The following SIPA1L1 variants were observed in gnomAD, a reference collection of about 807,000 sequenced individuals.
SIPA1L1 encodes signal induced proliferation associated 1 like 1.
In SIPA1L1, 26 loss-of-function variants were observed where a neutral mutation model predicts 162.7. The observed-to-expected ratio is 0.16, with a 90% CI of 0.12 to 0.22. The LOEUF is 0.22. Among genes scored for constraint, SIPA1L1 ranks in the 10% least tolerant of loss-of-function variants. The pLI, the probability that SIPA1L1 is intolerant of heterozygous loss-of-function variation, is 1.00. For missense variants in SIPA1L1, 1,874 were observed against 2,241.0 expected (o/e 0.84, Z 3.31); for synonymous variants, 829 against 837.4 (o/e 0.99, Z 0.17).
At chr14:71,538,162 C>A (rs1386911186) in intron 4 of SIPA1L1, among the ~76,000 whole-genome samples, 1 of 152,146 alleles carries the variant, frequency 6.6e-6, no homozygotes, top group South Asian at 2.1e-4. Flanking sequence ...AATCTTCTTC[C>A]CTACTGTTAT....
intron 2 of SIPA1L1, among the ~76,000 whole-genome samples, chr14:71,409,131 C>T (rs372148866): frequency 6.6e-6 from 1 of 152,324 alleles, no homozygotes; most frequent in African/African-American, 2.4e-5. Flanking sequence ...GTGAGTATAT[C>T]TGTAAGTAAT....
intron 12 of SIPA1L1, among the ~76,000 whole-genome samples, chr14:71,679,706 C>T (rs2045598553): frequency 1.3e-5 from 2 of 152,126 alleles, no homozygotes; most frequent in South Asian, 4.1e-4. Flanking sequence ...TGCAGAGACA[C>T]ACATAGGCTC....
intron 5 of SIPA1L1, among the ~76,000 whole-genome samples, chr14:71,592,570 A>G (rs148497335): frequency 6.6e-6 from 1 of 151,410 alleles, no homozygotes; most frequent in Non-Finnish European, 1.5e-5. Context: ...GCCGCTTATC[A>G]CCGGGTAGTT....
chr14:71,582,211 T>C (rs929210873), intron 4 of SIPA1L1, among the ~76,000 whole-genome samples: 1 of 152,100 alleles, frequency 6.6e-6, no homozygotes, highest in Non-Finnish European at 1.5e-5. Flanking sequence ...GAGGCATGCT[T>C]GTAGTCCTAG....
At chr14:71,465,075 G>C (rs1386408147) in intron 2 of SIPA1L1, among the ~76,000 whole-genome samples, 2 of 152,164 alleles carry the variant, frequency 1.3e-5, no homozygotes, top group African/African-American at 2.4e-5. Context: ...GGATGTTGCC[G>C]CTACTGGAGA....
intron 2 of SIPA1L1, among the ~76,000 whole-genome samples, chr14:71,411,132 T>C (rs991599249): frequency 6.6e-6 from 1 of 152,154 alleles, no homozygotes; most frequent in Non-Finnish European, 1.5e-5. Flanking sequence ...GTTTTTTTTT[T>C]CTTGCTGCTT....
In SIPA1L1 at chr14:71,740,055, T is replaced by G. The variant is rs1304842592; in HGVS notation, c.*894T>G. The G allele has an allele frequency of 6.6e-6, 1 of 152,208 alleles. No individual in the cohort carries two copies. The highest frequency in any genetic ancestry group is 1.5e-5 in the Non-Finnish European group (1 of 68,034). 9.4% of individuals were successfully genotyped at this position (152,208 alleles called of 1,614,324 possible). On this transcript the variant is annotated 3_prime_UTR_variant, in exon 24 of 24. Coordinates refer to ENST00000381232, the MANE Select transcript of SIPA1L1 (RefSeq NM_001386936.1). ...TGGTCAAAAGTATACGTTTTAAAGA[T>G]TTTTAAAGATAAAAATGTGGCACAA...
At chr14:71,632,965 A>G (rs1466315097) in intron 7 of SIPA1L1, among the ~76,000 whole-genome samples, 1 of 152,246 alleles carries the variant, frequency 6.6e-6, no homozygotes, top group Non-Finnish European at 1.5e-5. Flanking sequence ...ATCACTGCTT[A>G]TACCAACAAT....
intron 8 of SIPA1L1, among the ~76,000 whole-genome samples, chr14:71,658,093 A>C (rs2043212020): frequency 6.6e-6 from 1 of 151,798 alleles, no homozygotes; most frequent in Admixed American, 6.6e-5. Context: ...TTGAAATCTT[A>C]TGTTTTTTAT....
chr14:71,588,424 T>C lies in SIPA1L1; in HGVS notation c.552T>C (p.Asp184=). The change falls in exon 5 of 24, where the codon GAT becomes GAC. Residue 184 remains aspartate (D), a synonymous_variant. Transcript: ENST00000381232. The surrounding 1 kb of genome is among the most constrained non-coding windows in gnomAD (Gnocchi z 4.3). Reference sequence around the variant, plus strand: ...GTGATATCACCATAAGTGAACTTGATGTGGATAGCTTTGATGAATGTATCT... The same window carrying C: ...GTGATATCACCATAAGTGAACTTGACGTGGATAGCTTTGATGAATGTATCT... ...SNSDITISEL[D]VDSFDECISP... is the part of the protein sequence containing the mutation. 1 of 1,614,148 alleles carries C rather than the reference T, an allele frequency of 6.2e-7. No homozygotes were observed. Among genetic ancestry groups the C allele is most frequent in the South Asian group, 1.1e-5 (1 of 91,092 alleles).
At chr14:71,662,660 A>G (rs2043633542) in intron 10 of SIPA1L1, among the ~76,000 whole-genome samples, 1 of 152,186 alleles carries the variant, frequency 6.6e-6, no homozygotes, top group Non-Finnish European at 1.5e-5. Context: ...CGAGCTCCCA[A>G]CACAGAGGCT....
chr14:71,555,220 A>T (rs1278156100), intron 4 of SIPA1L1, among the ~76,000 whole-genome samples: 2 of 152,206 alleles, frequency 1.3e-5, no homozygotes, highest in African/African-American at 2.4e-5. Flanking sequence ...TTTCATCTAT[A>T]CTGAAAATCT....
intron 2 of SIPA1L1, among the ~76,000 whole-genome samples, chr14:71,451,357 G>C (rs1213399582): frequency 1.3e-5 from 2 of 152,060 alleles, no homozygotes; most frequent in Non-Finnish European, 2.9e-5. Context: ...GAAATATATT[G>C]CAGGCCAGGC....
intron 4 of SIPA1L1, among the ~76,000 whole-genome samples, chr14:71,555,884 C>T (rs1462534796): frequency 6.6e-6 from 1 of 152,088 alleles, no homozygotes; most frequent in African/African-American, 2.4e-5. Context: ...GATTGATTGC[C>T]GTCTTCTGTG....
intron 2 of SIPA1L1, among the ~76,000 whole-genome samples, chr14:71,379,036 G>A (rs2039658718): frequency 6.6e-6 from 1 of 152,002 alleles, no homozygotes; most frequent in Non-Finnish European, 1.5e-5. Context: ...TAGTACCTCA[G>A]TTTCTTAGCC....
At chr14:71,679,856 A>G (rs1294231738) in intron 12 of SIPA1L1, among the ~76,000 whole-genome samples, 1 of 152,252 alleles carries the variant, frequency 6.6e-6, no homozygotes, top group Non-Finnish European at 1.5e-5. Context: ...ATAATGGTAA[A>G]GGGATCAATT....
At chr14:71,341,961 G>T (rs144362822) in intron 2 of SIPA1L1, among the ~76,000 whole-genome samples, 1 of 152,132 alleles carries the variant, frequency 6.6e-6, no homozygotes, top group African/African-American at 2.4e-5. Flanking sequence ...GTGTTGTGAG[G>T]AACGTGTGAG....
intron 3 of SIPA1L1, among the ~76,000 whole-genome samples, chr14:71,515,671 G>A (rs2051642620): frequency 6.6e-6 from 1 of 151,898 alleles, no homozygotes; most frequent in African/African-American, 2.4e-5. Context: ...TTGAGATGGA[G>A]TCTTACTCTG....
intron 5 of SIPA1L1, among the ~76,000 whole-genome samples, chr14:71,601,789 A>T (rs182754193): frequency 6.6e-6 from 1 of 152,084 alleles, no homozygotes; most frequent in African/African-American, 2.4e-5. Flanking sequence ...CAGATTTTCT[A>T]CGTCTTCTGG....
Sources: allele counts gnomAD v4.1 joint callset (sites outside exome capture counted in the v4.1 genomes callset), GRCh38; gene constraint gnomAD v4.1.1; non-coding constraint Gnocchi (gnomAD v3.1); transcripts MANE v1.5; gene names NCBI Gene and HGNC (gene_info 2026-07-23, HGNC 2026-07-21).